The following ABTB3 variants were observed in gnomAD, a reference collection of about 807,000 sequenced individuals.
The protein encoded by ABTB3 is ankyrin repeat and BTB domain containing 3.
chr12:107,494,713 C>T, the ABTB3 span, among the ~76,000 whole-genome samples: 1 of 152,194 alleles, frequency 6.6e-6, no homozygotes, highest in Non-Finnish European at 1.5e-5. Context: ...TCCCAACAGG[C>T]CTTCCACAGC....
the ABTB3 span, among the ~76,000 whole-genome samples, chr12:107,465,290 A>T: frequency 6.6e-6 from 1 of 152,120 alleles, no homozygotes; most frequent in African/African-American, 2.4e-5. Context: ...ATGTCAAACA[A>T]CTTTCCTCAG....
chr12:107,642,391 G>T, the ABTB3 span, among the ~76,000 whole-genome samples: 1 of 152,166 alleles, frequency 6.6e-6, no homozygotes, highest in Non-Finnish European at 1.5e-5. Context: ...TGTGCTAAGG[G>T]CTGGGGACAC....
At chr12:107,587,661 A>G in the ABTB3 span, among the ~76,000 whole-genome samples, 1 of 152,234 alleles carries the variant, frequency 6.6e-6, no homozygotes, top group Non-Finnish European at 1.5e-5. Context: ...CTATTTTATC[A>G]CAATAAAAAT....
the ABTB3 span, among the ~76,000 whole-genome samples, chr12:107,522,939 C>T: frequency 6.6e-6 from 1 of 152,152 alleles, no homozygotes; most frequent in South Asian, 2.1e-4. Flanking sequence ...TAATTCAGGG[C>T]TGTGCTCTGT....
At chr12:107,462,888 ATGG>A in the ABTB3 span, among the ~76,000 whole-genome samples, 1 of 151,454 alleles carries the variant, frequency 6.6e-6, no homozygotes, top group Admixed American at 6.6e-5. Context: ...AATGATGATG[ATGG>A]TGGTGATAGT....
chr12:107,320,722 G>A, the ABTB3 span: 1 of 455,804 alleles, frequency 2.2e-6, no homozygotes, highest in Non-Finnish European at 4.4e-6. Context: ...CACACAGCTG[G>A]TGGGGGCTGC....
the ABTB3 span, chr12:107,544,197 A>G: frequency 1.3e-6 from 2 of 1,548,916 alleles, no homozygotes; most frequent in Non-Finnish European, 1.8e-6. Flanking sequence ...GGGTGGGGCA[A>G]GTGTCCAGGA....
the ABTB3 span, among the ~76,000 whole-genome samples, chr12:107,456,760 C>T: frequency 6.6e-6 from 1 of 152,164 alleles, no homozygotes; most frequent in African/African-American, 2.4e-5. Flanking sequence ...ATGTAACTTG[C>T]TCAAGGTCAC....
the ABTB3 span, among the ~76,000 whole-genome samples, chr12:107,425,904 C>T: frequency 1.3e-5 from 2 of 152,218 alleles, no homozygotes; most frequent in African/African-American, 4.8e-5. Context: ...GGGAAAGCCT[C>T]CACCCAGTTG....
the ABTB3 span, chr12:107,610,403 A>G: frequency 6.2e-7 from 1 of 1,602,942 alleles, no homozygotes; most frequent in Non-Finnish European, 8.5e-7. Context: ...CTCCATGTGC[A>G]TCACCCCTGG....
the ABTB3 span, among the ~76,000 whole-genome samples, chr12:107,384,442 C>G: frequency 6.6e-6 from 1 of 152,080 alleles, no homozygotes; most frequent in Non-Finnish European, 1.5e-5. Context: ...GAATGGAGAC[C>G]CTGGTTGGGT....
the ABTB3 span, among the ~76,000 whole-genome samples, chr12:107,415,191 G>A: frequency 5.3e-4 from 80 of 152,116 alleles, no homozygotes; most frequent in African/African-American, 1.8e-3. Flanking sequence ...TTTCACTGTT[G>A]CCTCTTCAGA....
the ABTB3 span, among the ~76,000 whole-genome samples, chr12:107,455,252 C>T: frequency 6.6e-6 from 1 of 152,190 alleles, no homozygotes; most frequent in African/African-American, 2.4e-5. Flanking sequence ...CACCACTTAA[C>T]TGTATGATCT....
the ABTB3 span, among the ~76,000 whole-genome samples, chr12:107,433,452 G>T: frequency 6.6e-6 from 1 of 151,918 alleles, no homozygotes; most frequent in Non-Finnish European, 1.5e-5. Flanking sequence ...TGACATGGGC[G>T]TTCCAGAGCT....
the ABTB3 span, among the ~76,000 whole-genome samples, chr12:107,337,053 C>T: frequency 1.3e-5 from 2 of 152,200 alleles, no homozygotes; most frequent in Admixed American, 1.3e-4. Context: ...GCCCATTATC[C>T]CTTTGTACCC....
the ABTB3 span, among the ~76,000 whole-genome samples, chr12:107,348,193 T>C: frequency 2.0e-5 from 3 of 152,142 alleles, no homozygotes; most frequent in Non-Finnish European, 4.4e-5. Flanking sequence ...TGTGTATATA[T>C]GATGTGGGTA....
chr12:107,439,672 CG>C, the ABTB3 span, among the ~76,000 whole-genome samples: 1 of 152,084 alleles, frequency 6.6e-6, no homozygotes, highest in Non-Finnish European at 1.5e-5. Context: ...GTAACCAGAA[CG>C]GGCTTTTTCT....
At chr12:107,457,594 C>T in the ABTB3 span, among the ~76,000 whole-genome samples, 1 of 152,324 alleles carries the variant, frequency 6.6e-6, no homozygotes, top group African/African-American at 2.4e-5. Flanking sequence ...GAAAAAAATG[C>T]TGCGAGCTCA....
At chr12:107,469,057 T>G in the ABTB3 span, among the ~76,000 whole-genome samples, 1 of 152,126 alleles carries the variant, frequency 6.6e-6, no homozygotes, top group East Asian at 1.9e-4. Flanking sequence ...TGTTGATGGG[T>G]GAGGGCTGGG....
Sources: allele counts gnomAD v4.1 joint callset (sites outside exome capture counted in the v4.1 genomes callset), GRCh38; gene constraint gnomAD v4.1.1; transcripts MANE v1.5; gene names NCBI Gene and HGNC (gene_info 2026-07-23, HGNC 2026-07-21).